MORF4L1: variants seen among roughly 807,000 people sequenced by gnomAD.
MORF4L1 encodes mortality factor 4-like protein 1.
In MORF4L1, 4 loss-of-function variants were observed where a neutral mutation model predicts 52.9. That is an observed-to-expected ratio of 0.08 (90% CI 0.04 to 0.17). MORF4L1 has a LOEUF of 0.17. Among genes scored for constraint, MORF4L1 ranks in the 10% least tolerant of loss-of-function variants. MORF4L1 has a pLI of 1.00. For missense variants in MORF4L1, 214 were observed against 390.4 expected (o/e 0.55, Z 3.81); for synonymous variants, 123 against 134.8 (o/e 0.91, Z 0.61).
At chr15:78,893,947 C>G (rs1047669875) in intron 9 of MORF4L1, 111 bp from the exon 10 acceptor site, 3 of 1,076,390 alleles carry the variant, frequency 2.8e-6, no homozygotes, top group African/African-American at 3.2e-5. Flanking sequence ...AAAATCTCAG[C>G]TATGGTTCAT....
At chr15:78,880,482 G>A (rs770972722) in intron 2 of MORF4L1, 30 bp from the exon 3 acceptor site, 1 of 1,534,042 alleles carries the variant, frequency 6.5e-7, no homozygotes, top group African/African-American at 1.4e-5. Flanking sequence ...AAATTTCTAA[G>A]TGAATTATTA....
chr15:78,887,717 G>GT (rs2141475467), intron 5 of MORF4L1, among the ~76,000 whole-genome samples: 1 of 152,320 alleles, frequency 6.6e-6, no homozygotes, highest in Non-Finnish European at 1.5e-5. Flanking sequence ...GAAACTCATG[G>GT]TAAGAATATG....
intron 11 of MORF4L1, 63 bp from the exon 12 acceptor site, chr15:78,896,920 G>A: frequency 3.2e-6 from 4 of 1,236,644 alleles, no homozygotes; most frequent in Non-Finnish European, 3.5e-6. Flanking sequence ...ATAATATATA[G>A]GAAGAGATTT....
intron 3 of MORF4L1, 109 bp from the exon 4 acceptor site, chr15:78,886,032 C>G: frequency 1.3e-6 from 1 of 746,152 alleles, no homozygotes; most frequent in Admixed American, 2.2e-5. Flanking sequence ...ATTTGTAGTG[C>G]CAGTTCATCA....
At chr15:78,891,124 C>T in intron 6 of MORF4L1, 110 bp downstream of exon 6, 1 of 1,239,436 alleles carries the variant, frequency 8.1e-7, no homozygotes, top group Non-Finnish European at 1.1e-6. Flanking sequence ...TTGATTATCT[C>T]AAATAGGAGT....
chr15:78,877,766 A>G (rs1486314705), intron 1 of MORF4L1: 1 of 153,198 alleles, frequency 6.5e-6, no homozygotes, highest in African/African-American at 2.4e-5. Context: ...ATGCATATTG[A>G]TATTTTAATT....
chr15:78,873,829 C>T (rs1163948952), intron 1 of MORF4L1: 2 of 152,256 alleles, frequency 1.3e-5, no homozygotes, highest in African/African-American at 2.4e-5. Context: ...GTGCCGAGAT[C>T]CTATGGTAAT....
At chr15:78,894,779 G>T in intron 10 of MORF4L1, 41 bp from the exon 11 acceptor site, 4 of 1,446,608 alleles carry the variant, frequency 2.8e-6, no homozygotes, top group South Asian at 1.1e-5. Context: ...TAGTGCCCCT[G>T]CCTTGGATGT....
chr15:78,894,040 T>C lies in MORF4L1; in HGVS notation c.630-18T>C, dbSNP rs936757622. 8 of 1,601,678 alleles carry C rather than the reference T, an allele frequency of 5.0e-6. No individual in the cohort carries two copies. In the Admixed American group the frequency reaches 6.8e-5, roughly 14 times the overall value. On this transcript the variant is annotated intron_variant, in intron 9 of 11. Transcript: ENST00000426013. The stretch of plus-strand genomic sequence containing the variant: ...ATTTTTATTGACCAGTTTTGGAATA[T>C]TTTTGTTCATTTATCAGGGAGTATG...
chr15:78,878,563 A>C (rs2056538950), intron 2 of MORF4L1, among the ~76,000 whole-genome samples: 1 of 151,894 alleles, frequency 6.6e-6, no homozygotes, highest in South Asian at 2.1e-4. Flanking sequence ...TGACTTGGTG[A>C]GAAAACATTG....
chr15:78,886,459 A>C, intron 4 of MORF4L1: 1 of 512,696 alleles, frequency 2.0e-6, no homozygotes, highest in Non-Finnish European at 3.6e-6. Flanking sequence ...AAAACAGCAG[A>C]ATGTTGTTGG....
At chr15:78,880,663 ATTC>A in intron 3 of MORF4L1, 84 bp downstream of exon 3, 1 of 992,396 alleles carries the variant, frequency 1.0e-6, no homozygotes, top group Non-Finnish European at 1.5e-6. Context: ...ATGCTTTTCA[ATTC>A]TGCAGTTTTA....
chr15:78,896,413 C>T (rs976738324), intron 11 of MORF4L1, among the ~76,000 whole-genome samples: 1 of 142,114 alleles, frequency 7.0e-6, no homozygotes, highest in African/African-American at 2.6e-5. Flanking sequence ...CAGGTTCAAG[C>T]AATTCTCCTG....
intron 11 of MORF4L1, among the ~76,000 whole-genome samples, chr15:78,896,566 C>T (rs1296309868): frequency 1.3e-5 from 2 of 152,038 alleles, no homozygotes; most frequent in Non-Finnish European, 2.9e-5. Flanking sequence ...CCTTGGCCTC[C>T]CAAAGTGCTG....
At chr15:78,889,656 G>A (rs139447434) in intron 5 of MORF4L1, among the ~76,000 whole-genome samples, 52 of 152,240 alleles carry the variant, frequency 3.4e-4, no homozygotes, top group African/African-American at 9.6e-4. Flanking sequence ...GACTTTGACC[G>A]AGAAATACAG....
At chr15:78,886,060 C>T in intron 3 of MORF4L1, 81 bp from the exon 4 acceptor site, 2 of 984,746 alleles carry the variant, frequency 2.0e-6, no homozygotes, top group Non-Finnish European at 3.2e-6. Context: ...TAAGAGAAAT[C>T]CAGTCTTGCC....
intron 10 of MORF4L1, 43 bp downstream of exon 10, chr15:78,894,273 G>A: frequency 2.7e-6 from 4 of 1,486,962 alleles, no homozygotes; most frequent in Non-Finnish European, 3.6e-6. Flanking sequence ...CTTTTTGGGG[G>A]GTCTTCTCTA....
intron 1 of MORF4L1, among the ~76,000 whole-genome samples, chr15:78,875,798 AAT>A (rs1246749860): frequency 2.1e-4 from 29 of 138,868 alleles, no homozygotes; most frequent in Middle Eastern, 3.6e-3. Context: ...AAAAAAAAAA[AAT>A]TTATTAATTA....
Position 78,880,493 on chromosome 15 carries a change from T to C in MORF4L1, c.88-19T>C, listed in dbSNP as rs2056581948. ...TAAAAAATTTCTAAGTGAATTATTA[T>C]TTTTTTTTTGAATTTCAGTGTGTAA... On this transcript the variant is annotated intron_variant, in intron 2 of 11. Transcript: ENST00000426013. 2 of 1,169,066 alleles carry C rather than the reference T, an allele frequency of 1.7e-6. No individual in the cohort carries two copies. Among genetic ancestry groups the C allele is most frequent in the Non-Finnish European group, 2.4e-6 (2 of 839,702 alleles). 72.4% of individuals were successfully genotyped at this position (1,169,066 alleles called of 1,614,324 possible). A position where few individuals can be genotyped will look rare whatever the true frequency, so the allele number is the denominator to read the frequency against.
Sources: gnomAD v4.1 joint callset for allele counts (sites outside exome capture counted in the v4.1 genomes callset) on GRCh38, gnomAD v4.1.1 for gene constraint, MANE v1.5 for transcripts, NCBI Gene and HGNC (gene_info 2026-07-23, HGNC 2026-07-21) for gene names.